DOCK4: variants seen among roughly 807,000 people sequenced by gnomAD.
DOCK4 encodes dedicator of cytokinesis 4.
DOCK4 carries 97 observed loss-of-function variants against 268.1 expected under a neutral mutation model. The observed-to-expected ratio is 0.36, with a 90% CI of 0.31 to 0.43. DOCK4 has a LOEUF of 0.43. Ranked by LOEUF, DOCK4 falls within the 20% of genes least tolerant of loss-of-function variation. The pLI, the probability that DOCK4 is intolerant of heterozygous loss-of-function variation, is 1.00. For missense variants in DOCK4, 2,145 were observed against 2,455.7 expected (o/e 0.87, Z 2.67); for synonymous variants, 954 against 887.2 (o/e 1.08, Z -1.34).
intron 1 of DOCK4, among the ~76,000 whole-genome samples, chr7:112,192,595 A>T (rs1820059323): frequency 6.6e-6 from 1 of 152,194 alleles, no homozygotes; most frequent in African/African-American, 2.4e-5. Context: ...ACACTGATTT[A>T]TCTGTGATAC....
At position 111,767,238 on chromosome 7, in the gene DOCK4, T is replaced by G. The variant is rs576472979; in HGVS notation, c.3829-120A>C. On this transcript the variant is annotated intron_variant, in intron 37 of 52. Coordinates refer to ENST00000428084, the MANE Select transcript of DOCK4 (RefSeq NM_001363540.2). ...CCTTACTCCTTAATCTTTTTTTTTTTTTTTTTTGAGATGGAGTCTCACTCT... is the reference window on the plus strand; with the variant it reads ...CCTTACTCCTTAATCTTTTTTTTTTGTTTTTTTGAGATGGAGTCTCACTCT... 8.5e-6 allele frequency: 7 copies of G among 822,094 alleles called. No individual in the cohort carries two copies. In the South Asian group the frequency reaches 1.0e-4, roughly 12 times the overall value. The allele number at this position is 822,094 out of a possible 1,614,324, so 50.9% of individuals were successfully genotyped here. A position where few individuals can be genotyped will look rare whatever the true frequency, so the allele number is the denominator to read the frequency against.
chr7:111,752,513 A>G (rs1252871088), intron 42 of DOCK4, among the ~76,000 whole-genome samples: 1 of 152,012 alleles, frequency 6.6e-6, no homozygotes, highest in African/African-American at 2.4e-5. Context: ...GGATTTTTAA[A>G]AAATCATTTA....
chr7:111,746,860 T>C (rs1186409279), intron 43 of DOCK4, among the ~76,000 whole-genome samples: 1 of 149,090 alleles, frequency 6.7e-6, no homozygotes, highest in Non-Finnish European at 1.5e-5. Flanking sequence ...GATAAGATCT[T>C]CCTATGTTGC....
chr7:112,148,851 C>A (rs895157076), intron 1 of DOCK4, among the ~76,000 whole-genome samples: 2 of 152,052 alleles, frequency 1.3e-5, no homozygotes, highest in African/African-American at 4.8e-5. Context: ...AATGTCAAAT[C>A]CAATTCAGTG....
chr7:111,729,048 A>T (rs1227119501), intron 52 of DOCK4, among the ~76,000 whole-genome samples: 1 of 152,152 alleles, frequency 6.6e-6, no homozygotes, highest in African/African-American at 2.4e-5. Context: ...TTGATCCTGG[A>T]CTTCTACCTG....
intron 37 of DOCK4, among the ~76,000 whole-genome samples, chr7:111,767,608 G>C (rs1797846590): frequency 6.6e-6 from 1 of 152,100 alleles, no homozygotes; most frequent in South Asian, 2.1e-4. Flanking sequence ...AAAATCCTTT[G>C]AATGCTGGAA....
chr7:112,140,242 T>TC, intron 1 of DOCK4, among the ~76,000 whole-genome samples: 1 of 152,250 alleles, frequency 6.6e-6, no homozygotes, highest in East Asian at 1.9e-4. Context: ...CTGTATGCTC[T>TC]CCCCTAGAAT....
intron 1 of DOCK4, among the ~76,000 whole-genome samples, chr7:112,092,949 C>T (rs1489939478): frequency 2.0e-5 from 3 of 152,102 alleles, no homozygotes; most frequent in Admixed American, 6.6e-5. Flanking sequence ...AAATCTTTAC[C>T]TGCCTAGTAA....
rs562555451 is a variant in DOCK4 at position 111,841,328 on chromosome 7, C to T, written c.2736+3435G>A. ...TACAGGTACCCACCAACAGGCCTGG[C>T]TAATTTTTTTGTATTTTTAGTGGGG... is the stretch of plus-strand genomic sequence containing the variant. On this transcript the variant is annotated intron_variant, in intron 25 of 52. Transcript: ENST00000428084. Among the ~76,000 whole-genome samples the T allele has an allele frequency of 2.0e-5, 3 of 152,098 alleles. No homozygotes were observed. In the South Asian group the frequency reaches 6.2e-4, roughly 32 times the overall value.
At position 111,934,467 on chromosome 7, in the gene DOCK4, T is replaced by A. The variant is rs142471777; in HGVS notation, c.1066+1073A>T. ...ATGTGTGAACCTGTATGTTTGTCAA[T>A]AATGTTGCTGCTCAAAGCCAGCCAT... On this transcript the variant is annotated intron_variant, in intron 12 of 52. Transcript: ENST00000428084. Among the ~76,000 whole-genome samples the A allele has an allele frequency of 1.4e-4, 21 of 151,970 alleles. 1 individual carries two copies. Among genetic ancestry groups the A allele is most frequent in the African/African-American group, 5.1e-4 (21 of 41,482 alleles).
chr7:112,103,296 A>C (rs1300436718), intron 1 of DOCK4, among the ~76,000 whole-genome samples: 2 of 152,148 alleles, frequency 1.3e-5, no homozygotes, highest in Admixed American at 1.3e-4. Context: ...AAAGGGTATA[A>C]TTTTTCTAAC....
At chr7:111,816,865 G>T (rs1249365251) in intron 27 of DOCK4, among the ~76,000 whole-genome samples, 1 of 152,186 alleles carries the variant, frequency 6.6e-6, no homozygotes, top group Non-Finnish European at 1.5e-5. Flanking sequence ...GACAGGCAAA[G>T]CTGATCCAAG....
intron 1 of DOCK4, among the ~76,000 whole-genome samples, chr7:112,139,059 CTG>C (rs1269747721): frequency 6.6e-6 from 1 of 152,172 alleles, no homozygotes; most frequent in Non-Finnish European, 1.5e-5. Context: ...GCCCCCAAGT[CTG>C]TGGCATTTTG....
intron 37 of DOCK4, among the ~76,000 whole-genome samples, chr7:111,768,198 C>T (rs916784600): frequency 1.3e-5 from 2 of 152,138 alleles, no homozygotes; most frequent in African/African-American, 4.8e-5. Context: ...GACAGTGAGC[C>T]ATTTGACCTG....
intron 1 of DOCK4, among the ~76,000 whole-genome samples, chr7:112,030,158 T>A (rs1449582983): frequency 6.6e-6 from 1 of 152,224 alleles, no homozygotes; most frequent in Non-Finnish European, 1.5e-5. Context: ...GCAGAAAAGA[T>A]GACCTTTTAA....
chr7:112,145,575 C>T (rs1815399032), intron 1 of DOCK4, among the ~76,000 whole-genome samples: 1 of 152,192 alleles, frequency 6.6e-6, no homozygotes, highest in African/African-American at 2.4e-5. Context: ...AACGGACATA[C>T]CATTTCTTGT....
intron 23 of DOCK4, among the ~76,000 whole-genome samples, chr7:111,854,867 G>C (rs1372794890): frequency 6.6e-6 from 1 of 152,172 alleles, no homozygotes; most frequent in African/African-American, 2.4e-5. Context: ...GTGGAGGAGG[G>C]AAACAGACGT....
intron 1 of DOCK4, among the ~76,000 whole-genome samples, chr7:112,081,712 G>A (rs533562126): frequency 5.3e-5 from 8 of 152,242 alleles, no homozygotes; most frequent in African/African-American, 1.7e-4. Context: ...ACACACAGCT[G>A]ATGTTTAATA....
At chr7:111,834,201 T>C (rs2134024061) in intron 26 of DOCK4, among the ~76,000 whole-genome samples, 1 of 152,346 alleles carries the variant, frequency 6.6e-6, no homozygotes, top group South Asian at 2.1e-4. Context: ...CTTCTCATTA[T>C]GGTTTTAGTG....
Sources: gnomAD v4.1 joint callset for allele counts (sites outside exome capture counted in the v4.1 genomes callset) on GRCh38, gnomAD v4.1.1 for gene constraint, MANE v1.5 for transcripts, NCBI Gene and HGNC (gene_info 2026-07-23, HGNC 2026-07-21) for gene names.